The following PRKG2 variants were observed in gnomAD, a reference collection of about 807,000 sequenced individuals.
PRKG2 encodes the protein cGMP-dependent protein kinase 2.
In PRKG2, 33 loss-of-function variants were observed where a neutral mutation model predicts 97.2. That is an observed-to-expected ratio of 0.34 (90% CI 0.26 to 0.45). The LOEUF (loss-of-function observed/expected upper bound fraction) is 0.45. Among genes scored for constraint, PRKG2 ranks in the 20% least tolerant of loss-of-function variants. PRKG2 has a pLI of 1.00. For missense variants in PRKG2, 638 were observed against 900.0 expected (o/e 0.71, Z 3.73); for synonymous variants, 330 against 321.8 (o/e 1.03, Z -0.27).
At chr4:81,101,487 G>A (rs186299075) in intron 17 of PRKG2, among the ~76,000 whole-genome samples, 36 of 148,238 alleles carry the variant, frequency 2.4e-4, no homozygotes, top group African/African-American at 7.9e-4. Flanking sequence ...AATACTTCAT[G>A]TTCTCACTCA....
chr4:81,126,818 G>A (rs2110012904), intron 14 of PRKG2, among the ~76,000 whole-genome samples: 1 of 152,188 alleles, frequency 6.6e-6, no homozygotes, highest in South Asian at 2.1e-4. Context: ...CATTCTGTAG[G>A]TTGCCTGTTC....
chr4:81,157,358 C>T (rs1301515368), intron 6 of PRKG2, among the ~76,000 whole-genome samples: 2 of 152,134 alleles, frequency 1.3e-5, no homozygotes, highest in Non-Finnish European at 2.9e-5. Context: ...TCAATACATA[C>T]ACTCTCCCAA....
In PRKG2 at chr4:81,174,819, G is replaced by T; in HGVS notation, c.602C>A (p.Pro201Gln). 6.2e-7 allele frequency: 1 copy of T among 1,612,278 alleles called. No homozygotes were observed. Among genetic ancestry groups the T allele is most frequent in the African/African-American group, 1.3e-5 (1 of 74,964 alleles). ...TGCCAGCACAAAGATATGGTTTCCT[G>T]GTTCTCCTTGCTTAATAATGTAACT... ...QGSYIIKQGEPGNHIFVLAEG... is the reference protein window; with the variant it reads ...QGSYIIKQGEQGNHIFVLAEG... Residue 201 changes from proline (P) to glutamine (Q), a missense_variant, in exon 3 of 19, where the codon CCA becomes CAA. By Grantham distance (76) the Pro-to-Gln change is moderately conservative (BLOSUM62 -1). Coordinates refer to ENST00000264399, the MANE Select transcript of PRKG2 (RefSeq NM_006259.3).
intron 2 of PRKG2, among the ~76,000 whole-genome samples, chr4:81,201,976 A>T (rs765941407): frequency 1.3e-5 from 2 of 152,202 alleles, no homozygotes; most frequent in Non-Finnish European, 2.9e-5. Context: ...TACTTTATAA[A>T]AGTCCAACAA....
chr4:81,114,619 T>C (rs1229541496), intron 14 of PRKG2, among the ~76,000 whole-genome samples: 1 of 152,180 alleles, frequency 6.6e-6, no homozygotes, highest in African/African-American at 2.4e-5. Context: ...TAATTTTCAA[T>C]TTAAAAAATA....
chr4:81,210,042 A>G (rs1369214935), intron 1 of PRKG2, among the ~76,000 whole-genome samples: 6 of 152,150 alleles, frequency 3.9e-5, no homozygotes, highest in Non-Finnish European at 8.8e-5. Context: ...AAAAAAATAG[A>G]ATCTAGATAC....
intron 17 of PRKG2, among the ~76,000 whole-genome samples, chr4:81,100,643 G>A (rs1282336400): frequency 6.6e-6 from 1 of 152,124 alleles, no homozygotes; most frequent in Non-Finnish European, 1.5e-5. Context: ...TACCATTCAG[G>A]ACATAGGCGT....
intron 6 of PRKG2, among the ~76,000 whole-genome samples, chr4:81,162,470 A>G (rs1211766149): frequency 6.6e-6 from 1 of 152,092 alleles, no homozygotes; most frequent in Non-Finnish European, 1.5e-5. Context: ...GCCCACACAA[A>G]CCTGGAAAAC....
At chr4:81,154,523 C>A (rs1398795584) in intron 6 of PRKG2, among the ~76,000 whole-genome samples, 5 of 72,604 alleles carry the variant, frequency 6.9e-5, no homozygotes, top group Non-Finnish European at 1.1e-4. Flanking sequence ...ACACCTCACA[C>A]GGCAGGGTAC....
rs867977423 is a variant in PRKG2, at chr4:81,089,865, T to A, written c.2194-62A>T. ...TGTTGACCAAGCATGCTATCACATATGGGTAATGTTTTTTATTTCAGAACA... is the reference window on the plus strand; with the variant it reads ...TGTTGACCAAGCATGCTATCACATAAGGGTAATGTTTTTTATTTCAGAACA... On this transcript the variant is annotated intron_variant, in intron 18 of 18. Coordinates refer to ENST00000264399, the MANE Select transcript of PRKG2 (RefSeq NM_006259.3). 4.2e-5 allele frequency: 56 copies of A among 1,326,092 alleles called. 1 individual carries two copies. The Middle Eastern group carries it at 4.3e-3, about 101-fold the overall frequency. 82.1% of individuals were successfully genotyped at this position (1,326,092 alleles called of 1,614,324 possible).
At position 81,095,728 on chromosome 4, in the gene PRKG2, G is replaced by C. The variant is rs143439145; in HGVS notation, c.2127-3276C>G. Among the ~76,000 whole-genome samples, 209 of 152,270 alleles carry C rather than the reference G, an allele frequency of 1.4e-3. 1 individual carries two copies. The highest frequency in any genetic ancestry group is 4.6e-3 in the African/African-American group (190 of 41,564). On this transcript the variant is annotated intron_variant, in intron 17 of 18. Transcript: ENST00000264399. ...TATTAGCAGCAACAGCACATAAACT[G>C]CTTCTTCATTTCAGAAGACTCATAG... is the stretch of plus-strand genomic sequence containing the variant.
rs748432620 is a variant in PRKG2, at chr4:81,104,405, A to C, written c.2091T>G (p.Asn697Lys). Residue 697 changes from asparagine (N) to lysine (K), a missense_variant, in exon 17 of 19, where the codon AAT becomes AAG. By Grantham distance (94) the Asn-to-Lys change is moderately conservative. Around this residue, in one of 3 missense-constraint regions of PRKG2, gnomAD observed 304 missense variants for 460.5 expected, o/e 0.66. Transcript: ENST00000264399. Reference protein sequence around the residue: ...CRQNPTERLGNLKNGINDIKK... With the variant: ...CRQNPTERLGKLKNGINDIKK... Reference sequence around the variant, plus strand: ...TAATGTCATTTATTCCATTCTTCAGATTTCCCAGCCTTTCTGTTGGATTTT... The same window carrying C: ...TAATGTCATTTATTCCATTCTTCAGCTTTCCCAGCCTTTCTGTTGGATTTT... 2.0e-6 allele frequency: 3 copies of C among 1,475,872 alleles called. No individual in the cohort carries two copies. The highest frequency in any genetic ancestry group is 2.7e-6 in the Non-Finnish European group (3 of 1,109,540). 91.4% of individuals were successfully genotyped at this position (1,475,872 alleles called of 1,614,324 possible).
intron 1 of PRKG2, among the ~76,000 whole-genome samples, chr4:81,213,410 A>C (rs1156361747): frequency 6.6e-6 from 1 of 152,186 alleles, no homozygotes; most frequent in Non-Finnish European, 1.5e-5. Context: ...GAAGCATCAG[A>C]AAGGCCATGC....
At position 81,205,010 on chromosome 4, in the gene PRKG2, T is replaced by C; in HGVS notation, c.38A>G (p.His13Arg). The change falls in exon 2 of 19, where the codon CAC becomes CGC. Residue 13 changes from histidine to arginine, a missense_variant. This residue lies in a region of PRKG2 where 332 missense variants were observed against 421.7 expected (regional missense o/e 0.79). Coordinates refer to ENST00000264399, the MANE Select transcript of PRKG2 (RefSeq NM_006259.3). ...NGSVKPKHSK[H>R]PDGHSGNLTT... ...GAGGTTCCCAGAGTGTCCATCTGGG[T>C]GCTTAGAATGTTTAGGTTTCACTGA... The C allele has an allele frequency of 6.2e-7, 1 of 1,612,876 alleles. No individual in the cohort carries two copies.
chr4:81,172,516 G>T (rs567717032), intron 3 of PRKG2, among the ~76,000 whole-genome samples: 1 of 152,240 alleles, frequency 6.6e-6, no homozygotes, highest in Admixed American at 6.5e-5. Flanking sequence ...TCACTAAGAA[G>T]AGTGTTTGGC....
chr4:81,116,862 A>G (rs1206566292), intron 14 of PRKG2, among the ~76,000 whole-genome samples: 5 of 149,358 alleles, frequency 3.3e-5, no homozygotes, highest in Admixed American at 6.7e-5. Flanking sequence ...TTTAAATGGG[A>G]TTGCTTTTCT....
At chr4:81,116,447 T>C (rs536290813) in intron 14 of PRKG2, among the ~76,000 whole-genome samples, 1 of 152,324 alleles carries the variant, frequency 6.6e-6, no homozygotes, top group Admixed American at 6.5e-5. Context: ...TTAGGTTGAT[T>C]CCATGTTTTT....
chr4:81,197,342 G>C (rs1481904555), intron 2 of PRKG2, among the ~76,000 whole-genome samples: 2 of 152,300 alleles, frequency 1.3e-5, no homozygotes, highest in African/African-American at 4.8e-5. Flanking sequence ...AGAGGTGAAG[G>C]CTCCTGCCCA....
chr4:81,213,040 T>A lies in PRKG2; in HGVS notation c.-14+1896A>T, dbSNP rs143239885. ...CATTCAGTCATTCAAAAAGAACACA[T>A]AGGGCACCGTGTATGGGCTAGACAC... On this transcript the variant is annotated intron_variant, in intron 1 of 18. Transcript: ENST00000264399. Among the ~76,000 whole-genome samples the A allele has an allele frequency of 2.7e-3, 418 of 152,214 alleles. 2 individuals carry two copies. The highest frequency in any genetic ancestry group is 4.8e-3 in the Non-Finnish European group (327 of 68,014).
Sources: allele counts gnomAD v4.1 joint callset (sites outside exome capture counted in the v4.1 genomes callset), GRCh38; gene constraint gnomAD v4.1.1; regional missense constraint gnomAD v4.1.1; transcripts MANE v1.5; gene names NCBI Gene and HGNC (gene_info 2026-07-23, HGNC 2026-07-21).